RASSF4: variants seen among roughly 807,000 people sequenced by gnomAD.
The protein encoded by RASSF4 is Ras association domain family member 4, also known as ras association domain-containing protein 4.
Under a neutral mutation model 41.1 loss-of-function variants are expected in RASSF4, and 38 were observed. That is an observed-to-expected ratio of 0.92 (90% CI 0.71 to 1.21). The LOEUF is 1.21. RASSF4 is among the 50% of genes most tolerant of loss of function. RASSF4 has a pLI of 0.00. For missense variants in RASSF4, 414 were observed against 419.4 expected (o/e 0.99, Z 0.11); for synonymous variants, 179 against 163.4 (o/e 1.10, Z -0.73).
At chr10:44,965,216 G>A (rs1443416231) in intron 1 of RASSF4, among the ~76,000 whole-genome samples, 1 of 152,208 alleles carries the variant, frequency 6.6e-6, no homozygotes, top group African/African-American at 2.4e-5. Context: ...GAAAGAATGG[G>A]GCTTAGATTC....
At chr10:44,962,529 C>T (rs1239862292) in intron 1 of RASSF4, among the ~76,000 whole-genome samples, 1 of 152,178 alleles carries the variant, frequency 6.6e-6, no homozygotes, top group Non-Finnish European at 1.5e-5. Context: ...GGCACACAGG[C>T]CTGGGGCAGT....
At chr10:44,965,092 T>C (rs751690451) in intron 1 of RASSF4, among the ~76,000 whole-genome samples, 3 of 152,192 alleles carry the variant, frequency 2.0e-5, no homozygotes, top group African/African-American at 4.8e-5. Context: ...GGCAGATTGA[T>C]TAATAGGAGA....
At chr10:44,978,033 C>T (rs745592903) in intron 3 of RASSF4, 1 of 1,604,180 alleles carries the variant, frequency 6.2e-7, no homozygotes, top group South Asian at 1.1e-5. Context: ...GACCTCATCA[C>T]TCTGGCGAGA....
intron 3 of RASSF4, among the ~76,000 whole-genome samples, chr10:44,974,050 G>A (rs1241214554): frequency 3.3e-5 from 5 of 152,190 alleles, no homozygotes; most frequent in Non-Finnish European, 2.9e-5. Context: ...TTGCTGGGTC[G>A]CAATTACCAC....
chr10:44,982,301 C>G, intron 3 of RASSF4: 1 of 641,172 alleles, frequency 1.6e-6, no homozygotes. Flanking sequence ...TGCGCTGTGC[C>G]CCTGGCCAGG....
In RASSF4 at chr10:44,994,552, C is replaced by T. The variant is rs1842231415; in HGVS notation, c.*1223C>T. On this transcript the variant is annotated 3_prime_UTR_variant, in exon 11 of 11. Transcript: ENST00000340258. ...TTGGAAGCCACCATGCTGTGCGGAA[C>T]TGCGTCAGGGCAAATGTCACAGCAG... is the stretch of plus-strand genomic sequence containing the variant. 1 of 152,250 alleles carries T rather than the reference C, an allele frequency of 6.6e-6. No homozygotes were observed. Among genetic ancestry groups the T allele is most frequent in the South Asian group, 2.1e-4 (1 of 4,836 alleles). 9.4% of individuals were successfully genotyped at this position (152,250 alleles called of 1,614,324 possible). A position where few individuals can be genotyped will look rare whatever the true frequency, so the allele number is the denominator to read the frequency against.
At chr10:44,968,261 T>C (rs559172366) in intron 1 of RASSF4, among the ~76,000 whole-genome samples, 1 of 152,272 alleles carries the variant, frequency 6.6e-6, no homozygotes, top group Non-Finnish European at 1.5e-5. Context: ...TGCAAGTATA[T>C]GAGGAACTAC....
At chr10:44,968,670 C>A (rs4948937) in intron 1 of RASSF4, among the ~76,000 whole-genome samples, 150,522 of 152,286 alleles carry the variant, frequency 0.99, 74,403 homozygotes, top group East Asian at 1. Flanking sequence ...GCCTGAGGAG[C>A]TGGGCATTCT....
intron 3 of RASSF4, chr10:44,977,312 G>A (rs1841476421): frequency 1.3e-6 from 2 of 1,488,822 alleles, no homozygotes; most frequent in Non-Finnish European, 1.8e-6. Context: ...AGACCTGCCA[G>A]GGGCAGTGAC....
rs532565994 is a variant in RASSF4 at position 44,978,039 on chromosome 10, C to T, written c.139-4482C>T. The stretch of plus-strand genomic sequence containing the variant: ...AGAAGCCGGGACCTCATCACTCTGG[C>T]GAGAGGAGGTGGCAACCTGTTGGGA... On this transcript the variant is annotated intron_variant, in intron 3 of 10. Transcript: ENST00000340258. 2.4e-5 allele frequency: 38 copies of T among 1,596,452 alleles called. 1 individual carries two copies. The South Asian group carries it at 3.7e-4, about 16-fold the overall frequency.
rs150316343 is a variant in RASSF4 at position 44,991,838 on chromosome 10, T to C, written c.808-67T>C. The C allele has an allele frequency of 2.6e-6, 3 of 1,137,052 alleles. No homozygotes were observed. The East Asian group carries it at 7.0e-5, about 27-fold the overall frequency. The allele number at this position is 1,137,052 out of a possible 1,614,324, so 70.4% of individuals were successfully genotyped here. A position where few individuals can be genotyped will look rare whatever the true frequency, so the allele number is the denominator to read the frequency against. On this transcript the variant is annotated intron_variant, in intron 9 of 10. Transcript: ENST00000340258. ...GCTGGATGGGCCACTATGGAAGCCT[T>C]GAGGAAAAGAAAACATACTTTTGGC...
intron 1 of RASSF4, among the ~76,000 whole-genome samples, chr10:44,964,185 T>G (rs10900148): frequency 6.6e-6 from 1 of 152,186 alleles, no homozygotes; most frequent in Non-Finnish European, 1.5e-5. Context: ...GCAGAGCAGC[T>G]GCTGAAGTGG....
intron 9 of RASSF4, chr10:44,991,353 A>G: frequency 3.1e-6 from 1 of 320,584 alleles, no homozygotes; most frequent in South Asian, 1.1e-4. Flanking sequence ...ATTGGAATGT[A>G]TTTTGTTGTC....
intron 1 of RASSF4, among the ~76,000 whole-genome samples, chr10:44,962,896 G>T (rs546356022): frequency 6.6e-6 from 1 of 152,326 alleles, no homozygotes; most frequent in East Asian, 1.9e-4. Context: ...GAAGCCAGAA[G>T]TCTTGCCCAC....
At chr10:44,992,446 A>G (rs1349020801) in intron 10 of RASSF4, among the ~76,000 whole-genome samples, 1 of 152,210 alleles carries the variant, frequency 6.6e-6, no homozygotes, top group Non-Finnish European at 1.5e-5. Flanking sequence ...CAGATGCTGG[A>G]ACTCCCAGCC....
intron 3 of RASSF4, chr10:44,978,335 C>G (rs1306912263): frequency 3.0e-6 from 1 of 338,588 alleles, no homozygotes; most frequent in African/African-American, 2.2e-5. Context: ...GGGTTTAAAA[C>G]CAGGATCGGC....
chr10:44,989,318 G>A lies in RASSF4; in HGVS notation c.576G>A (p.Arg192=), dbSNP rs754370700. 1.7e-5 allele frequency: 27 copies of A among 1,614,010 alleles called. No individual in the cohort carries two copies. The Admixed American group carries it at 3.0e-4, about 18-fold the overall frequency. Residue 192 remains arginine, a synonymous_variant, in exon 7 of 11, where the codon AGG becomes AGA. Transcript: ENST00000340258. Reference sequence around the variant, plus strand: ...CCTATGGATCCGTGACCAATGTGAGGGTCAACAGCACCATGACAACCCTGC... The same window carrying A: ...CCTATGGATCCGTGACCAATGTGAGAGTCAACAGCACCATGACAACCCTGC... ...TPAYGSVTNV[R]VNSTMTTLQV... is the part of the protein sequence containing the mutation.
chr10:44,964,573 G>A (rs986013737), intron 1 of RASSF4, among the ~76,000 whole-genome samples: 4 of 152,178 alleles, frequency 2.6e-5, no homozygotes, highest in Admixed American at 6.5e-5. Flanking sequence ...ATGCAGCCTC[G>A]CTTTAATCCA....
intron 3 of RASSF4, among the ~76,000 whole-genome samples, chr10:44,979,378 G>A (rs1160699740): frequency 6.6e-6 from 1 of 152,224 alleles, no homozygotes; most frequent in East Asian, 1.9e-4. Flanking sequence ...GCTAGTGTGT[G>A]CTGTGAATGC....
Sources: gnomAD v4.1 joint callset for allele counts (sites outside exome capture counted in the v4.1 genomes callset) on GRCh38, gnomAD v4.1.1 for gene constraint, MANE v1.5 for transcripts, NCBI Gene and HGNC (gene_info 2026-07-23, HGNC 2026-07-21) for gene names.